NRK: variants seen among roughly 807,000 people sequenced by gnomAD.
NRK encodes the protein Nik related kinase, also known as nik-related protein kinase.
A neutral mutation model predicts 125.2 loss-of-function variants in NRK; 67 were observed. That is an observed-to-expected ratio of 0.54 (90% confidence interval 0.44 to 0.66). The LOEUF (loss-of-function observed/expected upper bound fraction) is 0.66. Ranked by LOEUF, NRK falls within the 30% of genes least tolerant of loss-of-function variation. NRK has a pLI of 0.00. For missense variants in NRK, 1,224 were observed against 1,192.9 expected (o/e 1.03, Z -0.38); for synonymous variants, 458 against 429.0 (o/e 1.07, Z -0.84).
At chrX:105,826,074 A>G (rs2039090224) in intron 1 of NRK, among the ~76,000 whole-genome samples, 1 of 98,425 alleles carries the variant, frequency 1.0e-5, no homozygotes, top group Non-Finnish European at 2.0e-5. Context: ...ATATATATAC[A>G]CATACACACA....
intron 24 of NRK, 80 bp from the exon 25 acceptor site, chrX:105,945,792 G>T: frequency 1.1e-6 from 1 of 905,589 alleles, no homozygotes; most frequent in Non-Finnish European, 1.6e-6. Flanking sequence ...TTTTGTTTTG[G>T]ACTAGAAACC....
chrX:105,885,410 T>A (rs1459796917), intron 4 of NRK, among the ~76,000 whole-genome samples: 1 of 112,507 alleles, frequency 8.9e-6, no homozygotes, highest in Non-Finnish European at 1.9e-5. Flanking sequence ...TAAGTTAGGA[T>A]CATAATACCT....
At chrX:105,912,279 CAGTT>C (rs921998429) in intron 13 of NRK, among the ~76,000 whole-genome samples, 1 of 110,994 alleles carries the variant, frequency 9.0e-6, no homozygotes, top group African/African-American at 3.3e-5. Context: ...CTAAATGTGA[CAGTT>C]AGTTTGGTGT....
chrX:105,869,482 C>T (rs1331656268), intron 2 of NRK, among the ~76,000 whole-genome samples: 1 of 111,209 alleles, frequency 9.0e-6, no homozygotes, highest in Non-Finnish European at 1.9e-5. Context: ...TTTCTATTTT[C>T]CCTCCTCCTT....
intron 4 of NRK, among the ~76,000 whole-genome samples, chrX:105,885,919 G>A (rs772108546): frequency 1.8e-5 from 2 of 111,737 alleles, no homozygotes; most frequent in Non-Finnish European, 3.8e-5. Context: ...GGTAATGGCT[G>A]CTATCTTCCA....
intron 1 of NRK, among the ~76,000 whole-genome samples, chrX:105,826,354 TTATA>T (rs1569284764): frequency 6.0e-5 from 5 of 83,805 alleles, no homozygotes; most frequent in Non-Finnish European, 4.3e-5. Context: ...AGTATATACA[TTATA>T]TATAATATAT....
chrX:105,883,640 C>A (rs568897199), intron 4 of NRK, among the ~76,000 whole-genome samples: 1 of 112,150 alleles, frequency 8.9e-6, no homozygotes, highest in Middle Eastern at 4.6e-3. Context: ...CTTTCCAGGA[C>A]ACATAAGCTT....
chrX:105,875,675 C>T (rs1201881833), intron 2 of NRK, among the ~76,000 whole-genome samples: 2 of 109,925 alleles, frequency 1.8e-5, no homozygotes, highest in African/African-American at 3.3e-5. Flanking sequence ...ATTAACTAAA[C>T]TTGAATGCGT....
At position 105,917,737 on chromosome X, in the gene NRK, A is replaced by G. The variant is rs762484272; in HGVS notation, c.2512+65A>G. The G allele has an allele frequency of 7.4e-6, 4 of 539,936 alleles. No individual in the cohort carries two copies. The South Asian group carries it at 1.6e-4, about 22-fold the overall frequency. The allele number at this position is 539,936 out of a possible 1,213,427, so 44.5% of individuals were successfully genotyped here. On this transcript the variant is annotated intron_variant, in intron 16 of 28. Coordinates refer to ENST00000243300, the MANE Select transcript of NRK (RefSeq NM_198465.4). The stretch of plus-strand genomic sequence containing the variant: ...GCTACTGTTTAACAATTTATATTTC[A>G]GAAGTCAAGAAAGAAGAATTTCAAG...
rs753915179 is a variant in NRK at position 105,924,792 on chromosome X, A to G, written c.3073A>G (p.Asn1025Asp). The G allele has an allele frequency of 8.3e-7, 1 of 1,209,920 alleles. No individual in the cohort carries two copies. The highest frequency in any genetic ancestry group is 1.7e-5 in the African/African-American group (1 of 57,866). ...AYRGYGSHTA[N>D]RSHGGSAASE... ...CAGAGGCTATGGAAGCCATACAGCC[A>G]ATAGAAGCCATGGAGGAAGTGCAGC... is the stretch of plus-strand genomic sequence containing the variant. Residue 1025 changes from asparagine (N) to aspartate (D), a missense_variant, in exon 19 of 29, where the codon AAT becomes GAT. Transcript: ENST00000243300.
chrX:105,923,163 T>C lies in NRK; in HGVS notation c.2656T>C (p.Leu886=). The C allele has an allele frequency of 8.3e-7, 1 of 1,202,982 alleles. No homozygotes were observed. Among genetic ancestry groups the C allele is most frequent in the Non-Finnish European group, 1.1e-6 (1 of 888,047 alleles). Residue 886 remains leucine (L), a synonymous_variant, in exon 18 of 29, where the codon TTG becomes CTG. Coordinates refer to ENST00000243300, the MANE Select transcript of NRK (RefSeq NM_198465.4). ...AGGAAAAATATCACCCCCTGTATACTTGACAAACGAATGGGTAGGCTATAA... is the reference window on the plus strand; with the variant it reads ...AGGAAAAATATCACCCCCTGTATACCTGACAAACGAATGGGTAGGCTATAA... ...KVGKISPPVY[L]TNEWVGYNAL... is the part of the protein sequence containing the mutation.
chrX:105,863,242 A>G (rs1269666617), intron 2 of NRK, among the ~76,000 whole-genome samples: 1 of 110,244 alleles, frequency 9.1e-6, no homozygotes, highest in Non-Finnish European at 1.9e-5. Flanking sequence ...TACTATTACT[A>G]CTGGAGAATA....
rs1263299346 is a variant in NRK, at chrX:105,862,898, A to G, written c.124-17301A>G. 2.7e-5 allele frequency among the ~76,000 whole-genome samples: 3 copies of G among 112,356 alleles called. No individual in the cohort carries two copies. The Admixed American group carries it at 2.8e-4, about 11-fold the overall frequency. The stretch of plus-strand genomic sequence containing the variant: ...AGTTTAGCAAATTTATACTTTAACA[A>G]TTCTTAAATATTCCATATCATGAGT... On this transcript the variant is annotated intron_variant, in intron 2 of 28. Coordinates refer to ENST00000243300, the MANE Select transcript of NRK (RefSeq NM_198465.4).
In NRK at chrX:105,822,780, C is replaced by T; in HGVS notation, c.-66C>T. 4 of 1,019,007 alleles carry T rather than the reference C, an allele frequency of 3.9e-6. No individual in the cohort carries two copies. Among genetic ancestry groups the T allele is most frequent in the African/African-American group, 1.9e-5 (1 of 53,682 alleles). The allele number at this position is 1,019,007 out of a possible 1,213,427, so 84.0% of individuals were successfully genotyped here. On this transcript the variant is annotated 5_prime_UTR_variant, in exon 1 of 29. Coordinates refer to ENST00000243300, the MANE Select transcript of NRK (RefSeq NM_198465.4). ...TCTCTCCTCCCTTCAACTCTTCATC[C>T]GCTTCCACCTCAGACTCTGCGCGCA...
chrX:105,924,719 C>T lies in NRK; in HGVS notation c.3000C>T (p.Ser1000=). ...CPRASYGRDG[S]CKQDGYDGSR... ...GGGCAAGCTATGGCAGAGATGGAAGCTGCAAGCAAGATGGTTATGATGGAA... is the reference window on the plus strand; with the variant it reads ...GGGCAAGCTATGGCAGAGATGGAAGTTGCAAGCAAGATGGTTATGATGGAA... The change falls in exon 19 of 29, where the codon AGC becomes AGT. Residue 1000 remains serine, a synonymous_variant. Transcript: ENST00000243300. 1 of 1,198,409 alleles carries T rather than the reference C, an allele frequency of 8.3e-7. No individual in the cohort carries two copies. Among genetic ancestry groups the T allele is most frequent in the Non-Finnish European group, 1.1e-6 (1 of 888,582 alleles).
At chrX:105,951,216 C>T (rs1008170412) in intron 27 of NRK, among the ~76,000 whole-genome samples, 4 of 110,488 alleles carry the variant, frequency 3.6e-5, no homozygotes, top group Admixed American at 9.7e-5. Flanking sequence ...CTTTTGTGAT[C>T]GATATGCTAA....
Position 105,955,946 on chromosome X carries a change from G to C in NRK, c.*346G>C. 7.9e-6 allele frequency: 1 copy of C among 126,227 alleles called. No individual in the cohort carries two copies. The allele number at this position is 126,227 out of a possible 1,213,427, so 10.4% of individuals were successfully genotyped here. On this transcript the variant is annotated 3_prime_UTR_variant, in exon 29 of 29. Coordinates refer to ENST00000243300, the MANE Select transcript of NRK (RefSeq NM_198465.4). ...AAACCTGTTATGAATTAGATTACAAGCAGCCTTCAAAAGAATTGGCACTGG... is the reference window on the plus strand; with the variant it reads ...AAACCTGTTATGAATTAGATTACAACCAGCCTTCAAAAGAATTGGCACTGG...
At chrX:105,832,131 A>C (rs1185011353) in intron 2 of NRK, among the ~76,000 whole-genome samples, 2 of 111,773 alleles carry the variant, frequency 1.8e-5, no homozygotes, top group African/African-American at 6.5e-5. Context: ...GTAATATAAG[A>C]TCTGTAAGAA....
chrX:105,852,182 G>A (rs1041276345), intron 2 of NRK, among the ~76,000 whole-genome samples: 6 of 111,440 alleles, frequency 5.4e-5, no homozygotes, highest in African/African-American at 2.0e-4. Context: ...AAGTGACTTC[G>A]GGTCAAATAT....
Sources: allele counts gnomAD v4.1 joint callset (sites outside exome capture counted in the v4.1 genomes callset), GRCh38; gene constraint gnomAD v4.1.1; transcripts MANE v1.5; gene names NCBI Gene and HGNC (gene_info 2026-07-23, HGNC 2026-07-21).